MICAL2: variants seen among roughly 807,000 people sequenced by gnomAD.
MICAL2 encodes the protein microtubule associated monooxygenase, calponin and LIM domain containing 2.
Under a neutral mutation model 127.3 loss-of-function variants are expected in MICAL2, and 77 were observed. The observed-to-expected ratio is 0.60, with a 90% CI of 0.50 to 0.73. The LOEUF (loss-of-function observed/expected upper bound fraction) is 0.73. Ranked by LOEUF, MICAL2 falls within the 30% of genes least tolerant of loss-of-function variation. The pLI, the probability that MICAL2 is intolerant of heterozygous loss-of-function variation, is 0.00. For synonymous variants in MICAL2, 570 were observed against 551.1 expected, an observed-to-expected ratio of 1.03 and a Z score of -0.48; for missense variants, 1,351 against 1,434.4, an observed-to-expected ratio of 0.94 and a Z score of 0.94.
At chr11:12,208,248 G>A in intron 5 of MICAL2, 109 bp downstream of exon 5, 2 of 859,948 alleles carry the variant, frequency 2.3e-6, no homozygotes, top group South Asian at 3.2e-5. Flanking sequence ...ACTGGGAGCT[G>A]GTTGGCATAA....
At chr11:12,294,776 AGCACCTCCCTGCGCCAG>A (rs774145405), downstream of MICAL2, 2 of 1,606,944 alleles carry the variant, frequency 1.2e-6, no homozygotes, top group South Asian at 2.2e-5. Context: ...GCCTTTCAAA[AGCACCTCCCTGCGCCAG>A]GCAGCTCCTC....
At chr11:12,163,424 C>T (rs771963244) in intron 3 of MICAL2, among the ~76,000 whole-genome samples, 1 of 152,214 alleles carries the variant, frequency 6.6e-6, no homozygotes, top group Non-Finnish European at 1.5e-5. Flanking sequence ...GGATTGAACT[C>T]TCCATGGCAG....
chr11:12,173,711 C>T (rs1357928572), intron 3 of MICAL2, among the ~76,000 whole-genome samples: 2 of 152,146 alleles, frequency 1.3e-5, no homozygotes, highest in African/African-American at 2.4e-5. Context: ...TCCCTTCTTC[C>T]CTCAGCCCCT....
At chr11:12,209,273 T>C (rs1185988524) in intron 5 of MICAL2, among the ~76,000 whole-genome samples, 2 of 151,906 alleles carry the variant, frequency 1.3e-5, no homozygotes, top group Admixed American at 6.6e-5. Flanking sequence ...AGGCATGGAG[T>C]TGGTGTTGCT....
chr11:12,314,645 ATTTTTTTTT>A (rs545442574), intron 29 of MICAL2, among the ~76,000 whole-genome samples: 1 of 123,052 alleles, frequency 8.1e-6, no homozygotes, highest in Non-Finnish European at 1.6e-5. Context: ...TGCCCAGCTA[ATTTTTTTTT>A]TTTTTGTATT....
intron 7 of MICAL2, 131 bp from the exon 8 acceptor site, chr11:12,216,088 C>T: frequency 3.0e-6 from 2 of 664,502 alleles, no homozygotes; most frequent in East Asian, 2.7e-5. Flanking sequence ...GCCTTGTGTG[C>T]CTTAAAAACT....
At chr11:12,173,911 A>T (rs1856557813) in intron 3 of MICAL2, among the ~76,000 whole-genome samples, 1 of 152,182 alleles carries the variant, frequency 6.6e-6, no homozygotes, top group South Asian at 2.1e-4. Flanking sequence ...ATTTAACCAA[A>T]TATATCCAAA....
intron 3 of MICAL2, among the ~76,000 whole-genome samples, chr11:12,178,651 C>T (rs992488391): frequency 2.6e-5 from 4 of 151,974 alleles, no homozygotes; most frequent in Non-Finnish European, 5.9e-5. Flanking sequence ...CTCCAAGTAA[C>T]AGGAGACTAG....
chr11:12,195,712 T>C (rs1859818626), intron 3 of MICAL2, among the ~76,000 whole-genome samples: 3 of 151,714 alleles, frequency 2.0e-5, no homozygotes, highest in African/African-American at 7.2e-5. Context: ...TTTCTTTTTT[T>C]TTTTTTTTGT....
chr11:12,150,954 A>G (rs1853512298), intron 2 of MICAL2, among the ~76,000 whole-genome samples: 2 of 152,116 alleles, frequency 1.3e-5, no homozygotes, highest in African/African-American at 4.8e-5. Flanking sequence ...ACTGACGCTT[A>G]TTGAGCTCAT....
chr11:12,210,463 G>A (rs1346662201), intron 6 of MICAL2, among the ~76,000 whole-genome samples: 1 of 152,176 alleles, frequency 6.6e-6, no homozygotes, highest in Non-Finnish European at 1.5e-5. Context: ...CCTGGAACAG[G>A]GCTAATCTTA....
At chr11:12,260,853 T>G in intron 26 of MICAL2, 1 of 985,414 alleles carries the variant, frequency 1.0e-6, no homozygotes, top group Non-Finnish European at 1.2e-6. Flanking sequence ...CCATACCAAC[T>G]CACAGCCAAA....
intron 32 of MICAL2, among the ~76,000 whole-genome samples, chr11:12,342,767 G>T (rs1325138971): frequency 6.6e-6 from 1 of 152,232 alleles, no homozygotes; most frequent in East Asian, 1.9e-4. Context: ...CAGGCAGACA[G>T]ACGTGAGGTT....
chr11:12,304,728 C>T (rs1026000242), intron 29 of MICAL2, among the ~76,000 whole-genome samples: 1 of 151,692 alleles, frequency 6.6e-6, no homozygotes, highest in African/African-American at 2.4e-5. Flanking sequence ...ATTACAGTGA[C>T]AGTTTTGTTA....
intron 2 of MICAL2, among the ~76,000 whole-genome samples, chr11:12,139,491 G>C (rs573386525): frequency 2.6e-5 from 4 of 152,300 alleles, no homozygotes; most frequent in African/African-American, 9.6e-5. Context: ...CATGGGCGGA[G>C]GCTCCGGCGG....
At chr11:12,307,058 C>T (rs1864119903) in intron 29 of MICAL2, among the ~76,000 whole-genome samples, 1 of 152,162 alleles carries the variant, frequency 6.6e-6, no homozygotes, top group Non-Finnish European at 1.5e-5. Context: ...AAGTGACATG[C>T]CATACAACCA....
chr11:12,285,097 C>T (rs570857779), intron 2 of MICAL2, among the ~76,000 whole-genome samples: 26 of 152,170 alleles, frequency 1.7e-4, no homozygotes, highest in African/African-American at 5.3e-4. Context: ...AGAAGGGGTT[C>T]GGAAAATGGG....
chr11:12,255,517 G>A (rs960601965), intron 22 of MICAL2, 126 bp from the exon 23 acceptor site: 1 of 772,022 alleles, frequency 1.3e-6, no homozygotes, highest in Non-Finnish European at 2.2e-6. Context: ...CTTCTCCTGG[G>A]TCGTGGGGTG....
Position 12,220,308 on chromosome 11 carries a change from A to G in MICAL2, c.1056A>G (p.Pro352=), listed in dbSNP as rs138213902. ...AADFATNYQL[P]SLDFAMNHYG... is the part of the protein sequence containing the mutation. ...ACTTTGCCACCAACTACCAGCTGCC[A>G]TCCTTAGACTTTGCCATGAACCACT... Residue 352 remains proline, a synonymous_variant, in exon 9 of 28, where the codon CCA becomes CCG. Coordinates refer to ENST00000683283, the MANE Select transcript of MICAL2 (RefSeq NM_001282663.2). 115 of 1,614,214 alleles carry G rather than the reference A, an allele frequency of 7.1e-5. No homozygotes were observed. The highest frequency in any genetic ancestry group is 9.7e-5 in the Non-Finnish European group (114 of 1,180,042).
Sources: allele counts gnomAD v4.1 joint callset (sites outside exome capture counted in the v4.1 genomes callset), GRCh38; gene constraint gnomAD v4.1.1; transcripts MANE v1.5; gene names NCBI Gene and HGNC (gene_info 2026-07-23, HGNC 2026-07-21).